Variants in STRN observed in about 807,000 individuals in gnomAD.
The protein encoded by STRN is striatin.
In STRN, 53 loss-of-function variants were observed where a neutral mutation model predicts 96.3. The observed-to-expected ratio is 0.55, with a 90% CI of 0.44 to 0.69. The LOEUF (loss-of-function observed/expected upper bound fraction) is 0.69. Ranked by LOEUF, STRN falls within the 30% of genes least tolerant of loss-of-function variation. STRN has a pLI of 0.00. For missense variants in STRN, 987 were observed against 963.9 expected (o/e 1.02, Z -0.32); for synonymous variants, 428 against 355.9 (o/e 1.20, Z -2.28).
rs982528476 is a variant in STRN at position 36,841,317 on chromosome 2, C to G, written c.*8139G>C. Reference sequence around the variant, plus strand: ...CCCTGAGATATACAAGGAAACTGAACAAATACCAGGCAGCAAAATACTGAG... The same window carrying G: ...CCCTGAGATATACAAGGAAACTGAAGAAATACCAGGCAGCAAAATACTGAG... On this transcript the variant is annotated 3_prime_UTR_variant, in exon 18 of 18. Transcript: ENST00000263918. 1 of 151,982 alleles carries G rather than the reference C, an allele frequency of 6.6e-6. No homozygotes were observed. Among genetic ancestry groups the G allele is most frequent in the East Asian group, 1.9e-4 (1 of 5,188 alleles). The allele number at this position is 151,982 out of a possible 1,614,324, so 9.4% of individuals were successfully genotyped here.
At chr2:36,865,525 G>A (rs1668598554) in intron 12 of STRN, among the ~76,000 whole-genome samples, 1 of 151,818 alleles carries the variant, frequency 6.6e-6, no homozygotes, top group African/African-American at 2.4e-5. Flanking sequence ...CTTTGGGGTT[G>A]GTTTTTCTCT....
intron 6 of STRN, among the ~76,000 whole-genome samples, chr2:36,895,547 T>A (rs990683585): frequency 2.0e-5 from 3 of 152,030 alleles, no homozygotes; most frequent in Non-Finnish European, 4.4e-5. Context: ...TGAATGTGTA[T>A]TCTTTTATAA....
chr2:36,885,096 C>A (rs1669184925), intron 8 of STRN, among the ~76,000 whole-genome samples: 1 of 152,038 alleles, frequency 6.6e-6, no homozygotes, highest in South Asian at 2.1e-4. Flanking sequence ...ACATTTTAAT[C>A]CCCCGATTTA....
chr2:36,847,303 A>C lies in STRN; in HGVS notation c.*2153T>G, dbSNP rs1442566091. The C allele has an allele frequency of 6.6e-6, 1 of 152,158 alleles. No homozygotes were observed. The highest frequency in any genetic ancestry group is 2.4e-5 in the African/African-American group (1 of 41,448). The allele number at this position is 152,158 out of a possible 1,614,324, so 9.4% of individuals were successfully genotyped here. A position where few individuals can be genotyped will look rare whatever the true frequency, so the allele number is the denominator to read the frequency against. On this transcript the variant is annotated 3_prime_UTR_variant, in exon 18 of 18. Transcript: ENST00000263918. Reference sequence around the variant, plus strand: ...AGTGACATTAATAAAGCAGTAACTGAAGATCTTAGAAGGTAATTAATAACT... The same window carrying C: ...AGTGACATTAATAAAGCAGTAACTGCAGATCTTAGAAGGTAATTAATAACT...
rs971564154 is a variant in STRN at position 36,847,186 on chromosome 2, A to G, written c.*2270T>C. 2 of 152,202 alleles carry G rather than the reference A, an allele frequency of 1.3e-5. No individual in the cohort carries two copies. The highest frequency in any genetic ancestry group is 1.5e-5 in the Non-Finnish European group (1 of 68,030). The allele number at this position is 152,202 out of a possible 1,614,324, so 9.4% of individuals were successfully genotyped here. A position where few individuals can be genotyped will look rare whatever the true frequency, so the allele number is the denominator to read the frequency against. ...GTTCCATTTGCGCTACAGTCTATGT[A>G]TCTCATGGTTATTTTCCACTCACTG... is the stretch of plus-strand genomic sequence containing the variant. On this transcript the variant is annotated 3_prime_UTR_variant, in exon 18 of 18. Transcript: ENST00000263918.
At chr2:36,914,875 C>T (rs1670049054) in intron 3 of STRN, among the ~76,000 whole-genome samples, 1 of 152,074 alleles carries the variant, frequency 6.6e-6, no homozygotes, top group South Asian at 2.1e-4. Context: ...ACCAAAGATA[C>T]TTTACCGAAT....
At chr2:36,851,401 T>A (rs950639707) in intron 15 of STRN, among the ~76,000 whole-genome samples, 1 of 152,074 alleles carries the variant, frequency 6.6e-6, no homozygotes, top group African/African-American at 2.4e-5. Context: ...GAAAATCACT[T>A]GAACCCGGGA....
chr2:36,904,828 AAATGAATGACTG>A (rs1669777334), intron 4 of STRN, among the ~76,000 whole-genome samples: 1 of 150,822 alleles, frequency 6.6e-6, no homozygotes, highest in Non-Finnish European at 1.5e-5. Context: ...ACTCCATCTC[AAATGAATGACTG>A]AATGAATGAA....
rs138776719 is a variant in STRN, at chr2:36,962,411, C to T, written c.234+3819G>A. 9.3e-3 allele frequency among the ~76,000 whole-genome samples: 1,421 copies of T among 152,212 alleles called. 18 individuals carry two copies. Among genetic ancestry groups the T allele is most frequent in the African/African-American group, 0.031 (1,288 of 41,536 alleles). On this transcript the variant is annotated intron_variant, in intron 1 of 17. Transcript: ENST00000263918. ...ACATTTTTTATTTTTTATTTACATG[C>T]CTGCTTTCTCATAAGTCAGTAATTT...
intron 1 of STRN, among the ~76,000 whole-genome samples, chr2:36,955,742 G>A (rs1260218340): frequency 1.3e-5 from 2 of 152,124 alleles, no homozygotes; most frequent in Non-Finnish European, 2.9e-5. Flanking sequence ...ACAACTCACT[G>A]TCCTCAAACC....
intron 1 of STRN, among the ~76,000 whole-genome samples, chr2:36,952,739 T>C (rs779078091): frequency 8.5e-5 from 13 of 152,298 alleles, no homozygotes; most frequent in Non-Finnish European, 1.0e-4. Flanking sequence ...AAGTACTGGG[T>C]TGAATTACTA....
chr2:36,864,926 G>A (rs1166712069), intron 12 of STRN, among the ~76,000 whole-genome samples: 2 of 152,122 alleles, frequency 1.3e-5, no homozygotes, highest in African/African-American at 4.8e-5. Context: ...TGTTGGCCAG[G>A]CTGGTCTCGA....
At position 36,942,989 on chromosome 2, in the gene STRN, C is replaced by G. The variant is rs573948652; in HGVS notation, c.235-17781G>C. Among the ~76,000 whole-genome samples the G allele has an allele frequency of 2.2e-3, 336 of 152,180 alleles. 2 individuals carry two copies. The highest frequency in any genetic ancestry group is 7.7e-3 in the African/African-American group (319 of 41,518). ...GGGATTACAGGTGTCAGCCACCATG[C>G]CCGGCCATTTATTTTTTTAATTAAT... On this transcript the variant is annotated intron_variant, in intron 1 of 17. Coordinates refer to ENST00000263918, the MANE Select transcript of STRN (RefSeq NM_003162.4).
chr2:36,902,801 A>G (rs1378797939), intron 4 of STRN, 50 bp from the exon 5 acceptor site: 4 of 1,411,110 alleles, frequency 2.8e-6, no homozygotes, highest in African/African-American at 1.4e-5. Context: ...TCAGTATTCT[A>G]TAATTTAATA....
At chr2:36,901,503 G>C (rs955899833) in intron 5 of STRN, among the ~76,000 whole-genome samples, 2 of 147,634 alleles carry the variant, frequency 1.4e-5, no homozygotes, top group Non-Finnish European at 3.0e-5. Context: ...AGTGAGCTGA[G>C]ATGGCGCCAC....
Position 36,921,502 on chromosome 2 carries a change from C to T in STRN, c.338+3603G>A, listed in dbSNP as rs569535024. 5.3e-5 allele frequency among the ~76,000 whole-genome samples: 8 copies of T among 152,320 alleles called. No homozygotes were observed. The South Asian group carries it at 1.2e-3, about 24-fold the overall frequency. On this transcript the variant is annotated intron_variant, in intron 2 of 17. Transcript: ENST00000263918. Reference sequence around the variant, plus strand: ...TCCCAAGCATATATTTCTCATCATGCGTCCCCTTCACATATCTGCTCTTTA... The same window carrying T: ...TCCCAAGCATATATTTCTCATCATGTGTCCCCTTCACATATCTGCTCTTTA...
chr2:36,896,677 C>T (rs1237573834), intron 6 of STRN, among the ~76,000 whole-genome samples: 3 of 152,114 alleles, frequency 2.0e-5, no homozygotes, highest in African/African-American at 7.2e-5. Flanking sequence ...ATTCTTTATA[C>T]TGTGGCTAAA....
At position 36,919,154 on chromosome 2, in the gene STRN, A is replaced by G. The variant is rs147793363; in HGVS notation, c.339-3003T>C. ...TTCAATGAACTATTACTGAATTCCT[A>G]TGATTTACAGGCACTGTGCTGGCTG... On this transcript the variant is annotated intron_variant, in intron 2 of 17. Transcript: ENST00000263918. 1.1e-4 allele frequency among the ~76,000 whole-genome samples: 16 copies of G among 152,292 alleles called. No homozygotes were observed. In the East Asian group the frequency reaches 2.9e-3, roughly 28 times the overall value.
At chr2:36,935,236 A>G (rs893656514) in intron 1 of STRN, among the ~76,000 whole-genome samples, 17 of 152,134 alleles carry the variant, frequency 1.1e-4, no homozygotes, top group Non-Finnish European at 1.9e-4. Context: ...GATTCTACCA[A>G]TGTCCTAGTC....
Sources: gnomAD v4.1 joint callset for allele counts (sites outside exome capture counted in the v4.1 genomes callset) on GRCh38, gnomAD v4.1.1 for gene constraint, MANE v1.5 for transcripts, NCBI Gene and HGNC (gene_info 2026-07-23, HGNC 2026-07-21) for gene names.